Variants in KCNQ3 observed in about 807,000 individuals in gnomAD.
KCNQ3 encodes potassium voltage-gated channel subfamily Q member 3, also known as potassium voltage-gated channel subfamily KQT member 3.
A neutral mutation model predicts 92.5 loss-of-function variants in KCNQ3; 30 were observed. That is an observed-to-expected ratio of 0.32 (90% CI 0.24 to 0.44). KCNQ3 has a LOEUF of 0.44. Ranked by LOEUF, KCNQ3 falls within the 20% of genes least tolerant of loss-of-function variation. The pLI, the probability that KCNQ3 is intolerant of heterozygous loss-of-function variation, is 1.00. For synonymous variants in KCNQ3, 450 were observed against 468.8 expected (o/e 0.96, Z 0.52); for missense variants, 913 against 1,140.3 (o/e 0.80, Z 2.87).
intron 1 of KCNQ3, among the ~76,000 whole-genome samples, chr8:132,201,607 T>A (rs1458281685): frequency 1.3e-5 from 2 of 152,116 alleles, no homozygotes; most frequent in African/African-American, 4.8e-5. Context: ...AGCACAGATA[T>A]TAAACATTAA....
At chr8:132,199,272 A>G (rs1346757388) in intron 1 of KCNQ3, among the ~76,000 whole-genome samples, 1 of 152,248 alleles carries the variant, frequency 6.6e-6, no homozygotes, top group Non-Finnish European at 1.5e-5. Context: ...AATAAAATGT[A>G]AAGTCATATT....
intron 1 of KCNQ3, among the ~76,000 whole-genome samples, chr8:132,383,957 T>G (rs1819826753): frequency 6.6e-6 from 1 of 152,206 alleles, no homozygotes; most frequent in Non-Finnish European, 1.5e-5. Flanking sequence ...ATCCAGAGTT[T>G]CTGAGTTAAG....
intron 1 of KCNQ3, among the ~76,000 whole-genome samples, chr8:132,438,101 T>G (rs556005315): frequency 1.8e-3 from 281 of 152,362 alleles, no homozygotes; most frequent in Non-Finnish European, 3.4e-3. Context: ...AATAAAAATT[T>G]TGTAAGGACT....
At chr8:132,358,076 C>CA (rs57516766) in intron 1 of KCNQ3, among the ~76,000 whole-genome samples, 21,533 of 152,082 alleles carry the variant, frequency 0.14, 1,654 homozygotes, top group African/African-American at 0.19. Context: ...GGTGTCCTCA[C>CA]AAAAAAGGAG....
intron 1 of KCNQ3, chr8:132,186,693 T>G (rs745422673): frequency 3.7e-5 from 10 of 268,108 alleles, no homozygotes; most frequent in Non-Finnish European, 5.9e-5. Flanking sequence ...AGTATGAATA[T>G]TGTTCATTTT....
chr8:132,236,431 A>C (rs942204935), intron 1 of KCNQ3, among the ~76,000 whole-genome samples: 5 of 152,288 alleles, frequency 3.3e-5, no homozygotes, highest in Admixed American at 2.0e-4. Flanking sequence ...AAGGCAAAGG[A>C]GGTAGTGTTG....
At chr8:132,354,413 GA>G (rs1472640007) in intron 1 of KCNQ3, among the ~76,000 whole-genome samples, 1 of 152,178 alleles carries the variant, frequency 6.6e-6, no homozygotes, top group Non-Finnish European at 1.5e-5. Context: ...CCTGTAATTA[GA>G]AATTGGCTTG....
At chr8:132,478,830 A>C (rs1587058369) in intron 1 of KCNQ3, among the ~76,000 whole-genome samples, 1 of 152,214 alleles carries the variant, frequency 6.6e-6, no homozygotes, top group East Asian at 1.9e-4. Flanking sequence ...CTGGTGGCCG[A>C]ACCTAGAAAA....
intron 9 of KCNQ3, among the ~76,000 whole-genome samples, chr8:132,160,211 G>T: frequency 6.6e-6 from 1 of 152,182 alleles, no homozygotes; most frequent in East Asian, 1.9e-4. Context: ...CTGAGATCAT[G>T]CGTCCATTGT....
chr8:132,299,637 C>T (rs1271193075), intron 1 of KCNQ3, among the ~76,000 whole-genome samples: 1 of 152,038 alleles, frequency 6.6e-6, no homozygotes, highest in Non-Finnish European at 1.5e-5. Context: ...AAGGAAGGAC[C>T]CGATTAATAT....
rs182154549 is a variant in KCNQ3 at position 132,359,153 on chromosome 8, C to T, written c.386+120994G>A. On this transcript the variant is annotated intron_variant, in intron 1 of 14. Coordinates refer to ENST00000388996, the MANE Select transcript of KCNQ3 (RefSeq NM_004519.4). Reference sequence around the variant, plus strand: ...GGGAGGGTCAAATACAGTGATGAAGCATCACATAACTTGACAGTTTAACGG... The same window carrying T: ...GGGAGGGTCAAATACAGTGATGAAGTATCACATAACTTGACAGTTTAACGG... 5.3e-3 allele frequency among the ~76,000 whole-genome samples: 804 copies of T among 151,052 alleles called. 6 individuals carry two copies. Among genetic ancestry groups the T allele is most frequent in the African/African-American group, 0.018 (752 of 41,176 alleles).
chr8:132,220,022 TC>T (rs1294291820), intron 1 of KCNQ3, among the ~76,000 whole-genome samples: 2 of 152,194 alleles, frequency 1.3e-5, no homozygotes, highest in Non-Finnish European at 2.9e-5. Context: ...ATTCTGATTC[TC>T]TTTCCATCGC....
intron 1 of KCNQ3, among the ~76,000 whole-genome samples, chr8:132,188,470 C>T (rs1263528666): frequency 1.3e-5 from 2 of 152,154 alleles, no homozygotes; most frequent in African/African-American, 2.4e-5. Context: ...TTATGACCTG[C>T]GTGTTCTTAG....
chr8:132,415,671 A>G (rs1043656455), intron 1 of KCNQ3, among the ~76,000 whole-genome samples: 2 of 152,090 alleles, frequency 1.3e-5, no homozygotes, highest in African/African-American at 4.8e-5. Flanking sequence ...CATGGTATGG[A>G]CAGTTCTTTT....
At position 132,393,841 on chromosome 8, in the gene KCNQ3, C is replaced by T. The variant is rs77339153; in HGVS notation, c.386+86306G>A. On this transcript the variant is annotated intron_variant, in intron 1 of 14. Transcript: ENST00000388996. The stretch of plus-strand genomic sequence containing the variant: ...AGCCCCTGCTCATTCCACTACAGAA[C>T]ATGTACCCTCCCAGTCTTGTTGCAT... 4.3e-3 allele frequency among the ~76,000 whole-genome samples: 659 copies of T among 152,286 alleles called. 3 individuals carry two copies. Among genetic ancestry groups the T allele is most frequent in the African/African-American group, 0.015 (635 of 41,558 alleles).
chr8:132,335,286 G>A (rs1439283992), intron 1 of KCNQ3, among the ~76,000 whole-genome samples: 1 of 152,132 alleles, frequency 6.6e-6, no homozygotes, highest in South Asian at 2.1e-4. Context: ...TGATCCGCCT[G>A]CCTCAGCATC....
chr8:132,479,808 CAT>C (rs1038371552), intron 1 of KCNQ3, among the ~76,000 whole-genome samples: 1 of 152,140 alleles, frequency 6.6e-6, no homozygotes, highest in Non-Finnish European at 1.5e-5. Context: ...GAAAAACCCA[CAT>C]AATTATTTTA....
chr8:132,175,249 T>C (rs1394490922), intron 5 of KCNQ3, among the ~76,000 whole-genome samples: 1 of 152,240 alleles, frequency 6.6e-6, no homozygotes, highest in Non-Finnish European at 1.5e-5. Flanking sequence ...TGGCTTCTTA[T>C]AAACGCTAGA....
At chr8:132,249,394 TCTC>T (rs746356015) in intron 1 of KCNQ3, among the ~76,000 whole-genome samples, 1 of 152,116 alleles carries the variant, frequency 6.6e-6, no homozygotes, top group Non-Finnish European at 1.5e-5. Context: ...ACACAAAAGT[TCTC>T]TAAGTCCCCA....
Sources: gnomAD v4.1 joint callset for allele counts (sites outside exome capture counted in the v4.1 genomes callset) on GRCh38, gnomAD v4.1.1 for gene constraint, MANE v1.5 for transcripts, NCBI Gene and HGNC (gene_info 2026-07-23, HGNC 2026-07-21) for gene names.